Variants in GRM7 observed in about 807,000 individuals in gnomAD.
The protein encoded by GRM7 is metabotropic glutamate receptor 7.
A neutral mutation model predicts 84.5 loss-of-function variants in GRM7; 35 were observed. The observed-to-expected ratio is 0.41, with a 90% CI of 0.32 to 0.55. The LOEUF (loss-of-function observed/expected upper bound fraction) is 0.55, where lower values mean the gene tolerates loss of function less well. Among genes scored for constraint, GRM7 ranks in the 20% least tolerant of loss-of-function variants. GRM7 has a pLI of 0.19. For missense variants in GRM7, 1,003 were observed against 1,194.6 expected (o/e 0.84, Z 2.36); for synonymous variants, 487 against 455.1 (o/e 1.07, Z -0.89).
intron 5 of GRM7, among the ~76,000 whole-genome samples, chr3:7,433,927 A>G (rs1039543768): frequency 1.2e-4 from 18 of 152,202 alleles, no homozygotes; most frequent in African/African-American, 3.4e-4. Context: ...AATATGGAGA[A>G]AATGGACATC....
At chr3:7,227,995 CA>C (rs1262024480) in intron 2 of GRM7, among the ~76,000 whole-genome samples, 3 of 152,160 alleles carry the variant, frequency 2.0e-5, no homozygotes, top group African/African-American at 7.2e-5. Context: ...ACTCTTCTCT[CA>C]GAATATAACC....
chr3:7,028,593 C>A (rs900331752), intron 1 of GRM7, among the ~76,000 whole-genome samples: 2 of 152,210 alleles, frequency 1.3e-5, no homozygotes, highest in Non-Finnish European at 1.5e-5. Flanking sequence ...CAATGATTTT[C>A]AGTACACTGG....
intron 7 of GRM7, among the ~76,000 whole-genome samples, chr3:7,465,008 G>A (rs556635901): frequency 3.2e-4 from 49 of 152,098 alleles, no homozygotes; most frequent in African/African-American, 1.2e-3. Context: ...AAAAGAAAAT[G>A]ACACAATTCC....
intron 7 of GRM7, among the ~76,000 whole-genome samples, chr3:7,505,730 G>A (rs1700020931): frequency 6.6e-6 from 1 of 152,198 alleles, no homozygotes; most frequent in Non-Finnish European, 1.5e-5. Flanking sequence ...ACCATGTGCT[G>A]GAATGCAGAG....
At chr3:7,397,821 C>G (rs1190293993) in intron 4 of GRM7, among the ~76,000 whole-genome samples, 1 of 151,942 alleles carries the variant, frequency 6.6e-6, no homozygotes, top group Non-Finnish European at 1.5e-5. Context: ...GGTGGTGGTA[C>G]AGTTAGGGAA....
chr3:7,022,347 A>G (rs1365886973), intron 1 of GRM7, among the ~76,000 whole-genome samples: 1 of 142,328 alleles, frequency 7.0e-6, no homozygotes, highest in Non-Finnish European at 1.5e-5. Context: ...ATAATAAAAT[A>G]TATATATATA....
chr3:7,404,345 C>A (rs1695585927), intron 4 of GRM7, among the ~76,000 whole-genome samples: 2 of 152,242 alleles, frequency 1.3e-5, no homozygotes, highest in South Asian at 4.1e-4. Flanking sequence ...CTTGGGAATT[C>A]CCTGGTAGAT....
At chr3:7,341,827 A>G (rs1454983583) in intron 4 of GRM7, among the ~76,000 whole-genome samples, 3 of 152,136 alleles carry the variant, frequency 2.0e-5, no homozygotes, top group Non-Finnish European at 2.9e-5. Flanking sequence ...TAACTTGCTC[A>G]AGTTTCATGC....
In GRM7 at chr3:7,435,144, T is replaced by G. The variant is rs79333391; in HGVS notation, c.1175-17463T>G. On this transcript the variant is annotated intron_variant, in intron 5 of 9. Transcript: ENST00000357716. Reference sequence around the variant, plus strand: ...CTGTTGCATCTGTAGTGATGAGGTTTCCTTCATTCTCTATATTTTCTTTTT... The same window carrying G: ...CTGTTGCATCTGTAGTGATGAGGTTGCCTTCATTCTCTATATTTTCTTTTT... Among the ~76,000 whole-genome samples, 392 of 152,094 alleles carry G rather than the reference T, an allele frequency of 2.6e-3. 2 individuals carry two copies. Among genetic ancestry groups the G allele is most frequent in the African/African-American group, 9.1e-3 (378 of 41,514 alleles).
intron 1 of GRM7, among the ~76,000 whole-genome samples, chr3:7,098,638 T>C (rs1698937911): frequency 6.6e-6 from 1 of 152,028 alleles, no homozygotes; most frequent in Non-Finnish European, 1.5e-5. Context: ...TATTTTATTT[T>C]ACTCTTCAGT....
chr3:7,100,817 C>A (rs1184067286), intron 1 of GRM7, among the ~76,000 whole-genome samples: 1 of 151,796 alleles, frequency 6.6e-6, no homozygotes. Flanking sequence ...AAAGGCAAAT[C>A]GTGTTCTGAC....
At chr3:7,308,208 A>T (rs1395713930) in intron 4 of GRM7, among the ~76,000 whole-genome samples, 1 of 152,102 alleles carries the variant, frequency 6.6e-6, no homozygotes, top group Admixed American at 6.5e-5. Context: ...CTTCTAGAGT[A>T]CTAATCATTG....
In GRM7 at chr3:7,419,357, C is replaced by T. The variant is rs543520576; in HGVS notation, c.1174+4194C>T. ...AGAGTGTGTATCCAAGGCCCAGTGA[C>T]ATTTGGACACACACTGTGCATTATA... On this transcript the variant is annotated intron_variant, in intron 5 of 9. Transcript: ENST00000357716. Among the ~76,000 whole-genome samples, 23 of 152,208 alleles carry T rather than the reference C, an allele frequency of 1.5e-4. No homozygotes were observed. The South Asian group carries it at 3.9e-3, about 26-fold the overall frequency.
intron 4 of GRM7, among the ~76,000 whole-genome samples, chr3:7,314,587 C>T (rs1700518924): frequency 6.6e-6 from 1 of 152,054 alleles, no homozygotes; most frequent in African/African-American, 2.4e-5. Context: ...AAATTATATA[C>T]AATAATAGGG....
chr3:6,872,589 T>G (rs1350678557), intron 1 of GRM7, among the ~76,000 whole-genome samples: 4 of 152,156 alleles, frequency 2.6e-5, no homozygotes, highest in Admixed American at 2.6e-4. Flanking sequence ...ATTAGGTATT[T>G]CTCCTAATGC....
At chr3:7,262,779 C>T (rs1698481491) in intron 2 of GRM7, among the ~76,000 whole-genome samples, 1 of 152,236 alleles carries the variant, frequency 6.6e-6, no homozygotes, top group African/African-American at 2.4e-5. Context: ...CTCACTGCAA[C>T]CTCCACCTCC....
intron 4 of GRM7, among the ~76,000 whole-genome samples, chr3:7,401,647 G>A (rs1216992037): frequency 6.6e-6 from 1 of 151,996 alleles, no homozygotes; most frequent in Non-Finnish European, 1.5e-5. Flanking sequence ...CAAATATACT[G>A]AATATCACTG....
At chr3:7,317,583 G>A (rs1356435117) in intron 4 of GRM7, among the ~76,000 whole-genome samples, 1 of 152,028 alleles carries the variant, frequency 6.6e-6, no homozygotes, top group East Asian at 1.9e-4. Flanking sequence ...AAAACAGATT[G>A]GTTCTGGAGT....
intron 5 of GRM7, among the ~76,000 whole-genome samples, chr3:7,438,342 T>C (rs1297526101): frequency 6.6e-6 from 1 of 151,862 alleles, no homozygotes; most frequent in African/African-American, 2.4e-5. Context: ...TCTCTGTAAT[T>C]TGGTCATGGG....
Sources: allele counts gnomAD v4.1 joint callset (sites outside exome capture counted in the v4.1 genomes callset), GRCh38; gene constraint gnomAD v4.1.1; transcripts MANE v1.5; gene names NCBI Gene and HGNC (gene_info 2026-07-23, HGNC 2026-07-21).